The following NAV1 variants were observed in gnomAD, a reference collection of about 807,000 sequenced individuals.
NAV1 encodes pore membrane and/or filament interacting like protein 3.
In NAV1, 18 loss-of-function variants were observed where a neutral mutation model predicts 175.2. The ratio of observed to expected loss-of-function variants is 0.10; its 90% confidence interval spans 0.07 to 0.15. The LOEUF (loss-of-function observed/expected upper bound fraction) is 0.15. NAV1 is among the 10% of genes least tolerant of loss of function. The pLI, the probability that NAV1 is intolerant of heterozygous loss-of-function variation, is 1.00. For missense variants in NAV1, 1,731 were observed against 2,436.6 expected, an observed-to-expected ratio of 0.71 and a Z score of 6.10; for synonymous variants, 897 against 978.7, an observed-to-expected ratio of 0.92 and a Z score of 1.56.
At chr1:201,786,561 C>T in exon 9 of NAV1, 1 of 1,613,388 alleles carries the variant, frequency 6.2e-7, no homozygotes, top group South Asian at 1.1e-5. Context: ...GTGCAAAGGG[C>T]CAACTTACCA....
chr1:201,634,564 T>C (rs900681396), intron 2 of NAV1, among the ~76,000 whole-genome samples: 2 of 152,100 alleles, frequency 1.3e-5, no homozygotes, highest in African/African-American at 2.4e-5. Flanking sequence ...ATAAGTAAGG[T>C]CATCCGAGGT....
At chr1:201,678,559 A>T (rs148651824) in intron 1 of NAV1, among the ~76,000 whole-genome samples, 1 of 152,332 alleles carries the variant, frequency 6.6e-6, no homozygotes, top group African/African-American at 2.4e-5. Flanking sequence ...CTCCTCTCCT[A>T]TAGTGAGTTT....
intron 15 of NAV1, among the ~76,000 whole-genome samples, chr1:201,802,094 G>A (rs1402976314): frequency 5.3e-5 from 6 of 112,208 alleles, no homozygotes; most frequent in African/African-American, 1.6e-4. Context: ...CCGAGATTCC[G>A]CCACTGCACT....
At chr1:201,571,027 T>G (rs1178767138) in intron 1 of NAV1, among the ~76,000 whole-genome samples, 1 of 152,240 alleles carries the variant, frequency 6.6e-6, no homozygotes, top group Non-Finnish European at 1.5e-5. Flanking sequence ...AGGTGTCCTG[T>G]GATTGCTTTT....
Position 201,788,507 on chromosome 1 carries a change from C to T in NAV1, c.3035C>T (p.Ser1012Phe). Residue 1012 changes from serine (S) to phenylalanine (F), a missense_variant, in exon 10 of 30, where the codon TCC becomes TTC. Coordinates refer to ENST00000367296, the Ensembl canonical transcript of NAV1. This position sits in a 1 kb window ranked among gnomAD's most constrained non-coding sequence, Gnocchi z 5.7. ...GCCACCACGCCAAGAATCACCCGCT[C>T]CAACAGCATCCCCACCCACGAGGCG... 1.9e-6 allele frequency: 3 copies of T among 1,614,214 alleles called. No individual in the cohort carries two copies. Among genetic ancestry groups the T allele is most frequent in the African/African-American group, 1.3e-5 (1 of 75,066 alleles).
intron 1 of NAV1, among the ~76,000 whole-genome samples, chr1:201,655,260 A>G (rs1181105042): frequency 6.6e-6 from 1 of 151,626 alleles, no homozygotes; most frequent in East Asian, 1.9e-4. Context: ...CTCCTCCCCA[A>G]AGCCCAAAGC....
rs201089522 is a variant in NAV1 at position 201,546,990 on chromosome 1, A to ATT, written c.-144+7660_-144+7661dup. Among the ~76,000 whole-genome samples the ATT allele has an allele frequency of 5.5e-3, 791 of 145,092 alleles. 5 individuals carry two copies. Among genetic ancestry groups the ATT allele is most frequent in the African/African-American group, 0.017 (668 of 39,452 alleles). ...CATGTTATTTCCAAAGAACAAGGAC[A>ATT]TTTTTTTTTTTTTGAGATGGAGTTT... is the stretch of plus-strand genomic sequence containing the variant. On this transcript the variant is annotated intron_variant, in intron 1 of 33. Coordinates refer to the NAV1 transcript ENST00000685211.
At chr1:201,590,680 G>T (rs574112156) in intron 2 of NAV1, among the ~76,000 whole-genome samples, 1 of 152,196 alleles carries the variant, frequency 6.6e-6, no homozygotes, top group African/African-American at 2.4e-5. Flanking sequence ...GCTTGCGCGC[G>T]GGGCCAGGAG....
exon 1 of NAV1, chr1:201,648,318 C>G (rs1669047002): frequency 1.7e-6 from 2 of 1,154,682 alleles, no homozygotes; most frequent in Non-Finnish European, 2.1e-6. Flanking sequence ...CGCTGGGCGC[C>G]GGAGGAGCCG....
chr1:201,814,830 G>A (rs553232763), intron 28 of NAV1, among the ~76,000 whole-genome samples: 9 of 151,978 alleles, frequency 5.9e-5, no homozygotes, highest in Non-Finnish European at 1.0e-4. Context: ...ACAAGGTCAG[G>A]AGATCGAGAC....
Position 201,766,885 on chromosome 1 carries a change from C to T in NAV1, c.1227-13536C>T, listed in dbSNP as rs369821278. Among the ~76,000 whole-genome samples, 11 of 152,082 alleles carry T rather than the reference C, an allele frequency of 7.2e-5. No homozygotes were observed. The East Asian group carries it at 9.8e-4, about 14-fold the overall frequency. ...GTCGCCAGGCTGCAGTGCAGTGGCGCGATCTCAGCTCACTGCAACCTCCGT... is the reference window on the plus strand; with the variant it reads ...GTCGCCAGGCTGCAGTGCAGTGGCGTGATCTCAGCTCACTGCAACCTCCGT... On this transcript the variant is annotated intron_variant, in intron 3 of 29. Coordinates refer to ENST00000367296, the Ensembl canonical transcript of NAV1.
intron 1 of NAV1, among the ~76,000 whole-genome samples, chr1:201,554,936 G>A (rs560632): frequency 0.038 from 5,742 of 152,126 alleles, 192 homozygotes; most frequent in African/African-American, 0.092. Context: ...GGTGCTTTCC[G>A]ACAATCCTTG....
chr1:201,753,851 A>G (rs1020320772), intron 3 of NAV1, among the ~76,000 whole-genome samples: 1 of 152,196 alleles, frequency 6.6e-6, no homozygotes, highest in Non-Finnish European at 1.5e-5. Flanking sequence ...GTTGTTACAC[A>G]AAAGAAGGGA....
intron 2 of NAV1, among the ~76,000 whole-genome samples, chr1:201,605,096 G>A (rs557155418): frequency 8.0e-5 from 12 of 150,916 alleles, no homozygotes; most frequent in African/African-American, 2.7e-4. Flanking sequence ...CGATGACCCA[G>A]CACCAGGGAG....
In NAV1 at chr1:201,807,925, C is replaced by T. The variant is rs752678863; in HGVS notation, c.3649-28C>T. Reference sequence around the variant, plus strand: ...CATCCCAGTAGTGGAGTCCTAATGTCCCTCTACCTGGATCTGCTTTTTTCT... The same window carrying T: ...CATCCCAGTAGTGGAGTCCTAATGTTCCTCTACCTGGATCTGCTTTTTTCT... On this transcript the variant is annotated intron_variant, in intron 17 of 29. Transcript: ENST00000367296. This position sits in a 1 kb window ranked among gnomAD's most constrained non-coding sequence, Gnocchi z 5.4. The T allele has an allele frequency of 6.2e-7, 1 of 1,611,886 alleles. No homozygotes were observed.
chr1:201,712,671 T>C (rs1671958499), intron 1 of NAV1, 146 bp from the exon 6 acceptor site: 7 of 657,198 alleles, frequency 1.1e-5, no homozygotes, highest in South Asian at 1.0e-4. Flanking sequence ...TTCTGTTGGT[T>C]GTCTTTGGGA....
At chr1:201,566,945 T>C (rs1666371052) in intron 1 of NAV1, among the ~76,000 whole-genome samples, 1 of 152,212 alleles carries the variant, frequency 6.6e-6, no homozygotes, top group Non-Finnish European at 1.5e-5. Flanking sequence ...TTATTTCATA[T>C]GTATGTACTG....
At position 201,808,224 on chromosome 1, in the gene NAV1, T is replaced by G; in HGVS notation, c.3845+75T>G. 6.5e-7 allele frequency: 1 copy of G among 1,528,234 alleles called. No homozygotes were observed. The allele number at this position is 1,528,234 out of a possible 1,614,324, so 94.7% of individuals were successfully genotyped here. On this transcript the variant is annotated intron_variant, in intron 18 of 29. Transcript: ENST00000367296. This position sits in a 1 kb window ranked among gnomAD's most constrained non-coding sequence, Gnocchi z 5.5. ...GTGGGCTAGAGTTGACAGGAGGCCA[T>G]TAGACCTTAGACAAGCAGTACTTAT...
At chr1:201,724,245 G>A (rs561976978) in intron 3 of NAV1, 4 of 152,306 alleles carry the variant, frequency 2.6e-5, no homozygotes, top group African/African-American at 9.6e-5. Flanking sequence ...TCTAAAAATA[G>A]GAAAGTCTGG....
Sources: allele counts gnomAD v4.1 joint callset (sites outside exome capture counted in the v4.1 genomes callset), GRCh38; gene constraint gnomAD v4.1.1; non-coding constraint Gnocchi (gnomAD v3.1); transcripts MANE v1.5; gene names NCBI Gene and HGNC (gene_info 2026-07-23, HGNC 2026-07-21).